GPHN: variants seen among roughly 807,000 people sequenced by gnomAD.
GPHN encodes the protein gephyrin.
A neutral mutation model predicts 95.5 loss-of-function variants in GPHN; 17 were observed. The observed-to-expected ratio is 0.18, with a 90% CI of 0.12 to 0.27. The LOEUF (loss-of-function observed/expected upper bound fraction) is 0.27, where lower values mean the gene tolerates loss of function less well. GPHN is among the 10% of genes least tolerant of loss of function. The pLI is 1.00. For missense variants in GPHN, 660 were observed against 978.1 expected (o/e 0.67, Z 4.34); for synonymous variants, 320 against 322.5 (o/e 0.99, Z 0.08).
intron 8 of GPHN, among the ~76,000 whole-genome samples, chr14:66,939,109 A>G (rs1404529115): frequency 1.3e-5 from 2 of 152,200 alleles, no homozygotes; most frequent in African/African-American, 2.4e-5. Context: ...ACTTTATGAC[A>G]TTGGATTTGG....
chr14:66,755,577 C>A (rs987714450), intron 2 of GPHN, among the ~76,000 whole-genome samples: 1 of 151,892 alleles, frequency 6.6e-6, no homozygotes, highest in African/African-American at 2.4e-5. Context: ...TTTTCAGGTA[C>A]CTTTCTTTAT....
intron 4 of GPHN, among the ~76,000 whole-genome samples, chr14:66,857,962 G>C (rs1369522081): frequency 6.6e-6 from 1 of 152,074 alleles, no homozygotes; most frequent in Non-Finnish European, 1.5e-5. Flanking sequence ...GCCCATAGAG[G>C]GACCATTTGG....
intron 3 of GPHN, among the ~76,000 whole-genome samples, chr14:66,801,741 A>G (rs2060358526): frequency 6.9e-6 from 1 of 145,804 alleles, no homozygotes; most frequent in Admixed American, 6.8e-5. Context: ...CCAGCACAAT[A>G]TTGGGTCTTG....
At chr14:67,723,600 C>G in the GPHN span, among the ~76,000 whole-genome samples, 12 of 152,272 alleles carry the variant, frequency 7.9e-5, no homozygotes, top group African/African-American at 2.6e-4. Flanking sequence ...TCTAGGTTCT[C>G]CATAGAGATC....
At chr14:67,192,647 G>A in the GPHN span, among the ~76,000 whole-genome samples, 2 of 151,252 alleles carry the variant, frequency 1.3e-5, no homozygotes, top group Non-Finnish European at 2.9e-5. Context: ...CAATTATTTT[G>A]CCACTCTTTA....
chr14:66,715,776 A>G (rs1311400556), intron 2 of GPHN, among the ~76,000 whole-genome samples: 2 of 151,820 alleles, frequency 1.3e-5, no homozygotes, highest in Non-Finnish European at 2.9e-5. Flanking sequence ...ATTTCCATGG[A>G]TTTGCATGGT....
the GPHN span, among the ~76,000 whole-genome samples, chr14:67,520,739 T>G: frequency 6.6e-6 from 1 of 152,214 alleles, no homozygotes; most frequent in Admixed American, 6.5e-5. Context: ...CTTGGTTGCT[T>G]GCAAGTTATG....
chr14:66,651,332 A>G (rs1443832091), intron 1 of GPHN, among the ~76,000 whole-genome samples: 1 of 152,176 alleles, frequency 6.6e-6, no homozygotes, highest in Non-Finnish European at 1.5e-5. Flanking sequence ...GGCTCCATTC[A>G]AAACCAAACT....
chr14:66,544,952 G>C (rs141193744), intron 1 of GPHN, among the ~76,000 whole-genome samples: 11,374 of 152,132 alleles, frequency 0.075, 952 homozygotes, highest in African/African-American at 0.2. Flanking sequence ...ATATTTCTTA[G>C]TACAGAACAA....
At chr14:67,099,528 T>C (rs1234861827) in intron 12 of GPHN, among the ~76,000 whole-genome samples, 1 of 148,018 alleles carries the variant, frequency 6.8e-6, no homozygotes, top group Non-Finnish European at 1.5e-5. Context: ...AAGTAAAAAC[T>C]GAACAATGTA....
chr14:67,106,287 A>G (rs1412028124), intron 13 of GPHN, among the ~76,000 whole-genome samples: 1 of 152,168 alleles, frequency 6.6e-6, no homozygotes, highest in African/African-American at 2.4e-5. Flanking sequence ...GGATTTCATT[A>G]TATATGACTT....
At chr14:67,541,954 C>T in the GPHN span, 16 of 1,607,888 alleles carry the variant, frequency 1.0e-5, no homozygotes, top group East Asian at 3.4e-4. Flanking sequence ...TCCGGTTCCG[C>T]CTACAGGCCA....
the GPHN span, among the ~76,000 whole-genome samples, chr14:67,222,953 T>A: frequency 6.7e-6 from 1 of 150,268 alleles, no homozygotes; most frequent in East Asian, 1.9e-4. Context: ...CATTATAGAA[T>A]AGGTTTTTAC....
At chr14:67,112,683 A>G (rs1325410132) in intron 15 of GPHN, among the ~76,000 whole-genome samples, 1 of 152,206 alleles carries the variant, frequency 6.6e-6, no homozygotes, top group Non-Finnish European at 1.5e-5. Context: ...GAAAGTTTAC[A>G]ATTGGTATTT....
chr14:67,442,534 A>G, the GPHN span, among the ~76,000 whole-genome samples: 1 of 152,204 alleles, frequency 6.6e-6, no homozygotes, highest in Non-Finnish European at 1.5e-5. Flanking sequence ...ACTACCAAGG[A>G]GCACTCGTCC....
chr14:66,639,377 G>A (rs1271067374), intron 1 of GPHN, among the ~76,000 whole-genome samples: 3 of 152,100 alleles, frequency 2.0e-5, no homozygotes, highest in Non-Finnish European at 4.4e-5. Flanking sequence ...TCCAATTAGA[G>A]ATGTATTTGA....
chr14:67,384,169 A>G, the GPHN span: 3 of 152,208 alleles, frequency 2.0e-5, no homozygotes, highest in Admixed American at 1.3e-4. Context: ...CCTTATTGGA[A>G]TAATAAGCTA....
chr14:66,919,140 A>G (rs540520204), intron 6 of GPHN, among the ~76,000 whole-genome samples: 21 of 152,324 alleles, frequency 1.4e-4, no homozygotes, highest in South Asian at 4.1e-4. Flanking sequence ...TGCTTGCTGT[A>G]CAATGTTACC....
the GPHN span, chr14:67,395,492 G>A: frequency 5.0e-6 from 8 of 1,614,058 alleles, no homozygotes; most frequent in Non-Finnish European, 6.8e-6. Flanking sequence ...AATAGCCCCG[G>A]TGATCTCAAA....
Sources: allele counts gnomAD v4.1 joint callset (sites outside exome capture counted in the v4.1 genomes callset), GRCh38; gene constraint gnomAD v4.1.1; transcripts MANE v1.5; gene names NCBI Gene and HGNC (gene_info 2026-07-23, HGNC 2026-07-21).